Variants in RAPGEF2 observed in about 807,000 individuals in gnomAD.
The protein encoded by RAPGEF2 is Rap guanine nucleotide exchange factor 2, also known as PDZ domain containing guanine nucleotide exchange factor (GEF) 1.
Under a neutral mutation model 186.7 loss-of-function variants are expected in RAPGEF2, and 54 were observed. That is an observed-to-expected ratio of 0.29 (90% CI 0.23 to 0.36). The LOEUF is 0.36. Among genes scored for constraint, RAPGEF2 ranks in the 10% least tolerant of loss-of-function variants. The pLI, the probability that RAPGEF2 is intolerant of heterozygous loss-of-function variation, is 1.00. For synonymous variants in RAPGEF2, 712 were observed against 705.9 expected (o/e 1.01, Z -0.14); for missense variants, 1,532 against 2,045.0 (o/e 0.75, Z 4.84).
intron 1 of RAPGEF2, among the ~76,000 whole-genome samples, chr4:159,170,470 A>G (rs1342663549): frequency 2.0e-5 from 3 of 152,204 alleles, no homozygotes; most frequent in Admixed American, 6.5e-5. Flanking sequence ...TATAACACCA[A>G]CTATTCACAT....
chr4:159,355,880 C>CCCG lies in RAPGEF2; in HGVS notation c.4681_4682insGCC (p.Pro1560_Pro1561insArg). The CCCG allele has an allele frequency of 6.5e-7, 1 of 1,526,966 alleles. No individual in the cohort carries two copies. The highest frequency in any genetic ancestry group is 8.9e-7 in the Non-Finnish European group (1 of 1,126,508). 94.6% of individuals were successfully genotyped at this position (1,526,966 alleles called of 1,614,324 possible). On this transcript the variant is annotated inframe_insertion, in exon 29 of 30. Transcript: ENST00000691494. ...CGAAAGGAGGGCAGGTATCGAGAGC[C>CCCG]CCCGCCCACCCCTCCCGGCTACATT...
chr4:159,311,667 G>A (rs1341432529), intron 8 of RAPGEF2, among the ~76,000 whole-genome samples: 1 of 152,120 alleles, frequency 6.6e-6, no homozygotes, highest in African/African-American at 2.4e-5. Context: ...ACAAAACTGA[G>A]TTTGTTCACA....
At chr4:159,203,942 G>A (rs1579455400) in intron 3 of RAPGEF2, among the ~76,000 whole-genome samples, 4 of 152,220 alleles carry the variant, frequency 2.6e-5, no homozygotes, top group Admixed American at 2.6e-4. Context: ...GGCTAGCGTG[G>A]AAGAAGGAAT....
Position 159,118,735 on chromosome 4 carries a change from G to A in RAPGEF2, c.69+14504G>A, listed in dbSNP as rs201240583. Among the ~76,000 whole-genome samples the A allele has an allele frequency of 1.8e-4, 28 of 151,680 alleles. No homozygotes were observed. In the East Asian group the frequency reaches 3.3e-3, roughly 18 times the overall value. ...CAAGTCGCTGGGATTACAGGCGCCC[G>A]CCTCCTTGCCTGCAAATTTTGGTAT... On this transcript the variant is annotated intron_variant, in intron 1 of 29. Transcript: ENST00000691494.
intron 1 of RAPGEF2, among the ~76,000 whole-genome samples, chr4:159,158,248 T>C (rs1219011442): frequency 1.3e-5 from 2 of 152,130 alleles, no homozygotes; most frequent in African/African-American, 4.8e-5. Context: ...AGGAACTGCA[T>C]GCAGATCAGT....
intron 1 of RAPGEF2, among the ~76,000 whole-genome samples, chr4:159,167,849 G>A (rs1291232623): frequency 6.6e-6 from 1 of 152,214 alleles, no homozygotes; most frequent in Non-Finnish European, 1.5e-5. Context: ...TAACTGGATA[G>A]TTGAGAAAAT....
chr4:159,342,548 TTTATA>T (rs1281538005), intron 20 of RAPGEF2, among the ~76,000 whole-genome samples: 2,760 of 89,740 alleles, frequency 0.031, 65 homozygotes, highest in African/African-American at 0.096. Context: ...TTTATTTTAT[TTTATA>T]TTATTTTATT....
intron 7 of RAPGEF2, among the ~76,000 whole-genome samples, chr4:159,301,152 C>T (rs1229807035): frequency 1.3e-5 from 2 of 152,094 alleles, no homozygotes; most frequent in Non-Finnish European, 2.9e-5. Context: ...GCGGGTGGAT[C>T]ACTTGAGGCC....
Position 159,323,513 on chromosome 4 carries a change from G to A in RAPGEF2, c.1045G>A (p.Gly349Arg). Residue 349 changes from glycine to arginine, a missense_variant, in exon 11 of 30, where the codon GGA (glycine) becomes AGA (arginine). This residue lies in a region of RAPGEF2 where 810 missense variants were observed against 1,210.5 expected (regional missense o/e 0.67). Transcript: ENST00000691494. ...ATCTGTGGAAGTGACTTATCCAGAT[G>A]GAAAAGCAGAAATACTGTGCATGGG... is the stretch of plus-strand genomic sequence containing the variant. ...NGSVEVTYPD[G>R]KAEILCMGNS... is the part of the protein sequence containing the mutation. The A allele has an allele frequency of 6.2e-7, 1 of 1,612,618 alleles. No homozygotes were observed. Among genetic ancestry groups the A allele is most frequent in the South Asian group, 1.1e-5 (1 of 90,938 alleles).
chr4:159,215,237 A>G (rs78906084), intron 4 of RAPGEF2, among the ~76,000 whole-genome samples: 150 of 152,208 alleles, frequency 9.9e-4, no homozygotes, highest in African/African-American at 3.1e-3. Context: ...CAGTGGCGCA[A>G]TCTTAGCTCA....
rs1259060824 is a variant in RAPGEF2 at position 159,360,081 on chromosome 4, A to G, written c.*1942A>G. ...TGGTTATATTTTTGTTGAAGATGGT[A>G]GAAATGTACTATGTTTATGCTTCTA... On this transcript the variant is annotated 3_prime_UTR_variant, in exon 30 of 30. Transcript: ENST00000691494. 6.6e-6 allele frequency: 1 copy of G among 152,236 alleles called. No individual in the cohort carries two copies. Among genetic ancestry groups the G allele is most frequent in the East Asian group, 1.9e-4 (1 of 5,202 alleles). The allele number at this position is 152,236 out of a possible 1,614,324, so 9.4% of individuals were successfully genotyped here.
intron 1 of RAPGEF2, among the ~76,000 whole-genome samples, chr4:159,174,217 G>A (rs1004213224): frequency 6.6e-6 from 1 of 152,192 alleles, no homozygotes; most frequent in Non-Finnish European, 1.5e-5. Context: ...ATGGTGCATA[G>A]TATGCATTTT....
intron 3 of RAPGEF2, among the ~76,000 whole-genome samples, chr4:159,199,156 G>A (rs1749133965): frequency 6.6e-6 from 1 of 151,840 alleles, no homozygotes; most frequent in Non-Finnish European, 1.5e-5. Context: ...TGTAGGACAC[G>A]GGTGCTCAAC....
intron 1 of RAPGEF2, among the ~76,000 whole-genome samples, chr4:159,138,553 A>G (rs17303750): frequency 0.19 from 28,499 of 152,152 alleles, 2,689 homozygotes; most frequent in Admixed American, 0.24. Flanking sequence ...TGGCTTGAGT[A>G]AATAGATGGT....
chr4:159,186,794 TTTATTC>T (rs1440727763), intron 2 of RAPGEF2, 82 bp downstream of exon 2: 3 of 767,196 alleles, frequency 3.9e-6, no homozygotes, highest in Non-Finnish European at 6.1e-6. Flanking sequence ...ATTTTTTACT[TTTATTC>T]TTACTTGACA....
chr4:159,107,315 G>A (rs76939402), intron 1 of RAPGEF2, among the ~76,000 whole-genome samples: 2,067 of 152,202 alleles, frequency 0.014, 20 homozygotes, highest in Non-Finnish European at 0.021. Flanking sequence ...AAGGCAATTT[G>A]GTGAAGTAAA....
At chr4:159,251,370 C>G (rs1441562075) in intron 7 of RAPGEF2, among the ~76,000 whole-genome samples, 1 of 152,250 alleles carries the variant, frequency 6.6e-6, no homozygotes, top group African/African-American at 2.4e-5. Flanking sequence ...ATCCACTAGG[C>G]AAAGCCAGCT....
chr4:159,127,008 T>G (rs1344823701), intron 1 of RAPGEF2, among the ~76,000 whole-genome samples: 1 of 152,082 alleles, frequency 6.6e-6, no homozygotes, highest in Non-Finnish European at 1.5e-5. Flanking sequence ...AAACATTTGT[T>G]TATTTGCATT....
intron 1 of RAPGEF2, among the ~76,000 whole-genome samples, chr4:159,161,426 T>C (rs146968171): frequency 2.5e-3 from 381 of 152,302 alleles, no homozygotes; most frequent in African/African-American, 8.7e-3. Flanking sequence ...TAATTTAGGC[T>C]GGGCACCGTG....
Sources: gnomAD v4.1 joint callset for allele counts (sites outside exome capture counted in the v4.1 genomes callset) on GRCh38, gnomAD v4.1.1 for gene constraint, gnomAD v4.1.1 regional missense constraint, MANE v1.5 for transcripts, NCBI Gene and HGNC (gene_info 2026-07-23, HGNC 2026-07-21) for gene names.